Variants in WDR41 observed in about 807,000 individuals in gnomAD.
WDR41 encodes WD repeat domain 41.
In WDR41, 63 loss-of-function variants were observed where a neutral mutation model predicts 69.3. The observed-to-expected ratio is 0.91, with a 90% confidence interval of 0.74 to 1.12. WDR41 has a LOEUF of 1.12. WDR41 is among the 50% of genes most tolerant of loss of function. The pLI, the probability that WDR41 is intolerant of heterozygous loss-of-function variation, is 0.00. For synonymous variants in WDR41, 185 were observed against 192.1 expected (o/e 0.96, Z 0.31); for missense variants, 543 against 534.5 (o/e 1.02, Z -0.16).
At chr5:77,453,707 A>G in intron 6 of WDR41, 110 bp downstream of exon 6, 2 of 804,882 alleles carry the variant, frequency 2.5e-6, no homozygotes, top group Non-Finnish European at 2.0e-6. Flanking sequence ...CAGAACTGAA[A>G]AAGAAAAATC....
At chr5:77,615,854 A>G (rs1479207760) in intron 1 of WDR41, among the ~76,000 whole-genome samples, 1 of 151,966 alleles carries the variant, frequency 6.6e-6, no homozygotes, top group Non-Finnish European at 1.5e-5. Flanking sequence ...TTAGCCAGGT[A>G]TGGTGGCATA....
intron 1 of WDR41, among the ~76,000 whole-genome samples, chr5:77,540,115 G>T (rs1364998205): frequency 1.3e-5 from 2 of 152,200 alleles, no homozygotes; most frequent in Non-Finnish European, 2.9e-5. Context: ...GGGAAATGAA[G>T]GGTTATGGCA....
chr5:77,567,702 T>C (rs1166852479), intron 1 of WDR41, among the ~76,000 whole-genome samples: 1 of 147,042 alleles, frequency 6.8e-6, no homozygotes, highest in Non-Finnish European at 1.5e-5. Context: ...ATGGAACCAA[T>C]GCTATTCTGA....
At chr5:77,535,324 T>C (rs1029001194) in intron 1 of WDR41, among the ~76,000 whole-genome samples, 2 of 152,176 alleles carry the variant, frequency 1.3e-5, no homozygotes, top group Admixed American at 6.6e-5. Context: ...GCTATATTTA[T>C]GCAAAGGGTG....
intron 2 of WDR41, among the ~76,000 whole-genome samples, chr5:77,470,531 C>T (rs1051057070): frequency 1.3e-5 from 2 of 151,986 alleles, no homozygotes; most frequent in African/African-American, 2.4e-5. Flanking sequence ...ATTCAGGAAA[C>T]CCATCTCATG....
At chr5:77,567,507 T>C (rs1411372875) in intron 1 of WDR41, among the ~76,000 whole-genome samples, 9 of 152,010 alleles carry the variant, frequency 5.9e-5, no homozygotes, top group African/African-American at 2.2e-4. Context: ...ACTTGACCCA[T>C]GTACATACCA....
intron 1 of WDR41, among the ~76,000 whole-genome samples, chr5:77,521,847 AAC>A (rs1163028017): frequency 6.6e-6 from 1 of 152,210 alleles, no homozygotes; most frequent in Non-Finnish European, 1.5e-5. Context: ...TATCTTTATA[AAC>A]TCGAAAAAAT....
intron 2 of WDR41, among the ~76,000 whole-genome samples, chr5:77,480,385 T>C (rs35929901): frequency 0.12 from 17,652 of 152,072 alleles, 1,269 homozygotes; most frequent in South Asian, 0.17. Flanking sequence ...GTATGTTTAT[T>C]GCGGCACTAT....
chr5:77,609,491 C>G (rs967603383), intron 1 of WDR41, among the ~76,000 whole-genome samples: 6 of 152,206 alleles, frequency 3.9e-5, no homozygotes, highest in African/African-American at 1.4e-4. Context: ...GCAGCATTCA[C>G]AGTTCACGAA....
At chr5:77,602,024 C>T (rs773894112) in intron 1 of WDR41, among the ~76,000 whole-genome samples, 1 of 152,182 alleles carries the variant, frequency 6.6e-6, no homozygotes, top group African/African-American at 2.4e-5. Context: ...TAACTAGAGT[C>T]ACCCTACTCT....
At chr5:77,440,695 C>G in intron 9 of WDR41, 118 bp downstream of exon 9, 1 of 951,624 alleles carries the variant, frequency 1.1e-6, no homozygotes, top group Non-Finnish European at 1.5e-6. Context: ...TTTTAAAGCA[C>G]AACCTGAAAC....
chr5:77,496,164 T>C (rs1801930689), upstream of WDR41, among the ~76,000 whole-genome samples: 1 of 152,004 alleles, frequency 6.6e-6, no homozygotes, highest in South Asian at 2.1e-4. Context: ...AACATCACAT[T>C]CGATGGTGAA....
chr5:77,608,283 G>A (rs937753707), intron 1 of WDR41, among the ~76,000 whole-genome samples: 6 of 152,146 alleles, frequency 3.9e-5, no homozygotes, highest in African/African-American at 9.7e-5. Flanking sequence ...ATATTCCATT[G>A]TAAAATGTTG....
At chr5:77,436,426 GC>G in intron 11 of WDR41, 32 bp from the exon 12 acceptor site, 1 of 1,609,630 alleles carries the variant, frequency 6.2e-7, no homozygotes, top group Non-Finnish European at 8.5e-7. Context: ...AAATTACTGT[GC>G]TCTGTACTTA....
intron 1 of WDR41, among the ~76,000 whole-genome samples, chr5:77,608,413 A>G (rs1366128096): frequency 6.6e-6 from 1 of 152,204 alleles, no homozygotes; most frequent in Non-Finnish European, 1.5e-5. Flanking sequence ...CATGCCCAAA[A>G]ACATTGGGCC....
At chr5:77,491,938 G>T (rs990575754) in intron 1 of WDR41, 8 of 538,890 alleles carry the variant, frequency 1.5e-5, no homozygotes, top group Non-Finnish European at 1.9e-5. Context: ...CCGTGGGACG[G>T]GGCCGGGGGT....
intron 1 of WDR41, among the ~76,000 whole-genome samples, chr5:77,598,199 T>C (rs1744258642): frequency 6.6e-6 from 1 of 152,222 alleles, no homozygotes; most frequent in Admixed American, 6.5e-5. Flanking sequence ...ATACTTCTAT[T>C]CCATCTACCT....
At chr5:77,514,771 C>T (rs1802268939) in intron 1 of WDR41, among the ~76,000 whole-genome samples, 2 of 152,188 alleles carry the variant, frequency 1.3e-5, no homozygotes, top group Non-Finnish European at 2.9e-5. Context: ...CCTAGTCTAC[C>T]AATCCAGATA....
intron 4 of WDR41, among the ~76,000 whole-genome samples, chr5:77,461,761 C>T (rs974992627): frequency 1.8e-4 from 27 of 151,874 alleles, no homozygotes; most frequent in Non-Finnish European, 4.4e-5. Context: ...TCACTTGAAC[C>T]TGGGAGGTGG....
Sources: allele counts gnomAD v4.1 joint callset (sites outside exome capture counted in the v4.1 genomes callset), GRCh38; gene constraint gnomAD v4.1.1; transcripts MANE v1.5; gene names NCBI Gene and HGNC (gene_info 2026-07-23, HGNC 2026-07-21).